SERINC4: variants seen among roughly 807,000 people sequenced by gnomAD.
SERINC4 encodes serine incorporator 4.
A neutral mutation model predicts 52.0 loss-of-function variants in SERINC4; 52 were observed. The ratio of observed to expected loss-of-function variants is 1.00; its 90% CI spans 0.80 to 1.26. The LOEUF is 1.26. Among genes scored for constraint, SERINC4 ranks in the 50% most tolerant of loss-of-function variants. The pLI is 0.00. For synonymous variants in SERINC4, 264 were observed against 247.7 expected (o/e 1.07, Z -0.62); for missense variants, 723 against 632.8 (o/e 1.14, Z -1.53).
chr15:43,798,207 G>T, intron 4 of SERINC4, 194 bp from the exon 5 acceptor site: 1 of 608,262 alleles, frequency 1.6e-6, no homozygotes, highest in South Asian at 1.9e-5. Context: ...GTGCCACCAT[G>T]CCCGGCTAAT....
Position 43,798,031 on chromosome 15 carries a change from G to T in SERINC4, c.539-18C>A. On this transcript the variant is annotated intron_variant, in intron 4 of 11. Coordinates refer to ENST00000319327, the MANE Select transcript of SERINC4 (RefSeq NM_001258031.2). Reference sequence around the variant, plus strand: ...ATGCCATGCTGCAAGATGGGCACCAGTGGAAAAATGTCAAATTGTTACTTT... The same window carrying T: ...ATGCCATGCTGCAAGATGGGCACCATTGGAAAAATGTCAAATTGTTACTTT... 6.4e-7 allele frequency: 1 copy of T among 1,562,966 alleles called. No homozygotes were observed. The highest frequency in any genetic ancestry group is 8.8e-7 in the Non-Finnish European group (1 of 1,139,342).
rs191591027 is a variant in SERINC4 at position 43,794,515 on chromosome 15, C to G, written c.*485G>C. ...TTTGTCTTCCCGCTTCCCTTGACCT[C>G]AAAATCAGGATTAAAACCTGGGGTA... On this transcript the variant is annotated 3_prime_UTR_variant, in exon 12 of 12. Coordinates refer to ENST00000319327, the MANE Select transcript of SERINC4 (RefSeq NM_001258031.2). The G allele has an allele frequency of 9.4e-4, 151 of 161,280 alleles. No homozygotes were observed. The highest frequency in any genetic ancestry group is 3.5e-3 in the African/African-American group (148 of 41,754). 10.0% of individuals were successfully genotyped at this position (161,280 alleles called of 1,614,324 possible).
rs1331706858 is a variant in SERINC4 at position 43,796,121 on chromosome 15, A to T, written c.1140+34T>A. On this transcript the variant is annotated intron_variant, in intron 9 of 11. Transcript: ENST00000319327. ...GTGTGTGTCTTTGTGTGGGGGAGGG[A>T]GGGTGTTGGGGATATGGAGCTCTTT... 2.1e-6 allele frequency: 3 copies of T among 1,447,304 alleles called. No homozygotes were observed. The African/African-American group carries it at 4.2e-5, about 20-fold the overall frequency. The allele number at this position is 1,447,304 out of a possible 1,614,324, so 89.7% of individuals were successfully genotyped here. A position where few individuals can be genotyped will look rare whatever the true frequency, so the allele number is the denominator to read the frequency against.
chr15:43,795,172 C>T lies in SERINC4; in HGVS notation c.1385G>A (p.Ser462Asn). The T allele has an allele frequency of 6.2e-7, 1 of 1,614,130 alleles. No individual in the cohort carries two copies. Among genetic ancestry groups the T allele is most frequent in the Non-Finnish European group, 8.5e-7 (1 of 1,180,022 alleles). The stretch of plus-strand genomic sequence containing the variant: ...AACCTTGACCCAGAAGGTGGCCCAG[C>T]TACCCTTGATGAAGGTCTTTTCCAG... Reference protein sequence around the residue: ...AELEKTFIKGSWATFWVKVAS... With the variant: ...AELEKTFIKGNWATFWVKVAS... The change falls in exon 12 of 12, where the codon AGC becomes AAC. Residue 462 changes from serine (S) to asparagine (N), a missense_variant. Transcript: ENST00000319327.
chr15:43,797,628 TG>T, intron 5 of SERINC4: 2 of 511,550 alleles, frequency 3.9e-6, no homozygotes, highest in Non-Finnish European at 3.5e-6. Flanking sequence ...CCTGACCTCA[TG>T]ATCCACCCAC....
At position 43,794,640 on chromosome 15, in the gene SERINC4, A is replaced by G; in HGVS notation, c.*360T>C. 4.7e-6 allele frequency: 1 copy of G among 211,958 alleles called. No individual in the cohort carries two copies. The highest frequency in any genetic ancestry group is 1.0e-4 in the East Asian group (1 of 9,838). The allele number at this position is 211,958 out of a possible 1,614,324, so 13.1% of individuals were successfully genotyped here. A position where few individuals can be genotyped will look rare whatever the true frequency, so the allele number is the denominator to read the frequency against. ...TGAACTCCTTATTTTCCTTTCTCCAAGGGCAGAGCCGAGTCTTCAGTCCCT... is the reference window on the plus strand; with the variant it reads ...TGAACTCCTTATTTTCCTTTCTCCAGGGGCAGAGCCGAGTCTTCAGTCCCT... On this transcript the variant is annotated 3_prime_UTR_variant, in exon 12 of 12. Transcript: ENST00000319327.
chr15:43,799,789 AACG>A (rs763165897), intron 1 of SERINC4, 93 bp downstream of exon 1: 198 of 1,017,822 alleles, frequency 1.9e-4, no homozygotes, highest in Non-Finnish European at 2.8e-4. Context: ...AACGAACCAG[AACG>A]ACATTAGAGG....
rs1348172077 is a variant in SERINC4, at chr15:43,798,477, C to G, written c.486G>C (p.Leu162=). 5.0e-6 allele frequency: 8 copies of G among 1,613,848 alleles called. No homozygotes were observed. Among genetic ancestry groups the G allele is most frequent in the Non-Finnish European group, 6.8e-6 (8 of 1,179,808 alleles). Residue 162 remains leucine (L), a synonymous_variant, in exon 4 of 12, where the codon CTG becomes CTC. Coordinates refer to ENST00000319327, the MANE Select transcript of SERINC4 (RefSeq NM_001258031.2). ...AGAAGGCAATAGCACAGAGACCTAACAGGAACAGCAGCTTGAGGAGCCAGA... is the reference window on the plus strand; with the variant it reads ...AGAAGGCAATAGCACAGAGACCTAAGAGGAACAGCAGCTTGAGGAGCCAGA... ...NSFWLLKLLF[L]LGLCAIAFCI...
chr15:43,799,317 GTCT>G lies in SERINC4; in HGVS notation c.269_271del (p.Lys90del), dbSNP rs1205744569. The G allele has an allele frequency of 1.3e-6, 2 of 1,550,868 alleles. No individual in the cohort carries two copies. The highest frequency in any genetic ancestry group is 1.7e-6 in the Non-Finnish European group (2 of 1,146,914). ...CGACCCCCTCTCACTTACCCTGTGTGTCTTGCCCCACACCCTTTCCACTACTGT... is the reference window on the plus strand; with the variant it reads ...CGACCCCCTCTCACTTACCCTGTGTGTGCCCCACACCCTTTCCACTACTGT... On this transcript the variant is annotated inframe_deletion, in exon 2 of 12. Coordinates refer to ENST00000319327, the MANE Select transcript of SERINC4 (RefSeq NM_001258031.2).
At chr15:43,795,602 C>A (rs886623121) in intron 10 of SERINC4, 61 bp from the exon 11 acceptor site, 6 of 1,611,914 alleles carry the variant, frequency 3.7e-6, no homozygotes, top group Non-Finnish European at 5.1e-6. Flanking sequence ...CCCTCTCCCC[C>A]AACTACCTTT....
At chr15:43,796,330 T>C (rs938777130) in intron 8 of SERINC4, 103 bp from the exon 9 acceptor site, 1 of 880,220 alleles carries the variant, frequency 1.1e-6, no homozygotes, top group African/African-American at 1.7e-5. Context: ...AAGGGTACCA[T>C]ACTCCCTGTG....
Position 43,798,785 on chromosome 15 carries a change from G to A in SERINC4, c.458+174C>T, listed in dbSNP as rs1164274432. On this transcript the variant is annotated intron_variant, in intron 3 of 11. Transcript: ENST00000319327. ...CCCCACTGTTACCTCCATTTTAGAT[G>A]CTAGAAGCACAAAGTCTGGCTCAAG... is the stretch of plus-strand genomic sequence containing the variant. The A allele has an allele frequency of 8.8e-6, 6 of 681,126 alleles. No homozygotes were observed. The East Asian group carries it at 1.4e-4, about 15-fold the overall frequency. 42.2% of individuals were successfully genotyped at this position (681,126 alleles called of 1,614,324 possible).
At chr15:43,798,555 A>C in intron 3 of SERINC4, 51 bp from the exon 4 acceptor site, 4 of 1,352,602 alleles carry the variant, frequency 3.0e-6, no homozygotes, top group Non-Finnish European at 4.2e-6. Context: ...GGCAAAGGAC[A>C]GTGAAGAGTG....
chr15:43,799,280 C>A, intron 2 of SERINC4, 30 bp downstream of exon 2: 1 of 1,543,264 alleles, frequency 6.5e-7, no homozygotes, highest in Non-Finnish European at 8.8e-7. Context: ...TATCTCTTCC[C>A]ACCTGACAAC....
In SERINC4 at chr15:43,794,260, TC is replaced by T; in HGVS notation, c.*739del. 2.9e-6 allele frequency: 1 copy of T among 346,728 alleles called. No homozygotes were observed. The highest frequency in any genetic ancestry group is 7.5e-5 in the South Asian group (1 of 13,382). 21.5% of individuals were successfully genotyped at this position (346,728 alleles called of 1,614,324 possible). On this transcript the variant is annotated 3_prime_UTR_variant, in exon 12 of 12. Transcript: ENST00000319327. Reference sequence around the variant, plus strand: ...GAATCCTCTAAGAACCATAGAGACTTCTTTTCTGTGATTTTTGTTCCCCACC... The same window carrying T: ...GAATCCTCTAAGAACCATAGAGACTTTTTTCTGTGATTTTTGTTCCCCACC...
chr15:43,799,188 G>C (rs3784275), intron 2 of SERINC4, 51 bp from the exon 3 acceptor site: 1 of 1,521,776 alleles, frequency 6.6e-7, no homozygotes, highest in Non-Finnish European at 8.9e-7. Context: ...TGCATGGAAA[G>C]GTACCTACTT....
Position 43,799,912 on chromosome 15 carries a change from A to G in SERINC4, c.75T>C (p.Ser25=), listed in dbSNP as rs2087286705. Residue 25 remains serine (S), a synonymous_variant, in exon 1 of 12, where the codon AGT becomes AGC. Transcript: ENST00000319327. ...GLAQQHSGGS[S]VLVKSPFCQV... ...GACAGAAGGGACTTTTCACTAGGACACTGCTGCCTCCGCTGTGCTGCTGTG... is the reference window on the plus strand; with the variant it reads ...GACAGAAGGGACTTTTCACTAGGACGCTGCTGCCTCCGCTGTGCTGCTGTG... 3 of 1,549,400 alleles carry G rather than the reference A, an allele frequency of 1.9e-6. No homozygotes were observed. Among genetic ancestry groups the G allele is most frequent in the African/African-American group, 1.4e-5 (1 of 72,992 alleles).
rs1181158554 is a variant in SERINC4 at position 43,799,343 on chromosome 15, T to A, written c.246A>T (p.Thr82=). 1 of 1,551,136 alleles carries A rather than the reference T, an allele frequency of 6.4e-7. No individual in the cohort carries two copies. Among genetic ancestry groups the A allele is most frequent in the East Asian group, 2.4e-5 (1 of 40,930 alleles). Residue 82 remains threonine, a synonymous_variant, in exon 2 of 12, where the codon ACA becomes ACT. Transcript: ENST00000319327. ...TCTTGCCCCACACCCTTTCCACTAC[T>A]GTCCTTGACAGCAGGAGGCAGCAGA... ...SAICCLLLSR[T]VVERVWGKTH...
intron 1 of SERINC4, 179 bp downstream of exon 1, chr15:43,799,706 C>G: frequency 1.2e-6 from 1 of 814,428 alleles, no homozygotes; most frequent in Non-Finnish European, 2.1e-6. Context: ...CTTGAGATAT[C>G]TGACCTTTCT....
Sources: allele counts gnomAD v4.1 joint callset, GRCh38; gene constraint gnomAD v4.1.1; transcripts MANE v1.5; gene names NCBI Gene and HGNC (gene_info 2026-07-23, HGNC 2026-07-21).